Variants in GRIN3A observed in about 807,000 individuals in gnomAD.
The protein encoded by GRIN3A is glutamate ionotropic receptor NMDA type subunit 3A, also known as glutamate receptor ionotropic, NMDA 3A.
Under a neutral mutation model 92.4 loss-of-function variants are expected in GRIN3A, and 47 were observed. The ratio of observed to expected loss-of-function variants is 0.51; its 90% confidence interval spans 0.40 to 0.65. The LOEUF is 0.65. Among genes scored for constraint, GRIN3A ranks in the 30% least tolerant of loss-of-function variants. The pLI is 0.00. For synonymous variants in GRIN3A, 527 were observed against 540.6 expected (o/e 0.97, Z 0.35); for missense variants, 1,324 against 1,393.1 (o/e 0.95, Z 0.79).
At chr9:101,700,589 T>C (rs975168917) in intron 1 of GRIN3A, among the ~76,000 whole-genome samples, 5 of 152,202 alleles carry the variant, frequency 3.3e-5, no homozygotes, top group Admixed American at 2.0e-4. Flanking sequence ...AAAATATTTA[T>C]TGTGCTTTAT....
chr9:101,700,389 G>C (rs908089867), intron 1 of GRIN3A, among the ~76,000 whole-genome samples: 8 of 152,092 alleles, frequency 5.3e-5, no homozygotes, highest in Non-Finnish European at 1.2e-4. Context: ...CCATAAAATC[G>C]TATTCTATCA....
chr9:101,614,609 C>CTTTTTTT (rs754003481), intron 5 of GRIN3A, among the ~76,000 whole-genome samples: 1 of 83,050 alleles, frequency 1.2e-5, no homozygotes, highest in Non-Finnish European at 2.3e-5. Flanking sequence ...ATATGTGATA[C>CTTTTTTT]TTTTTTTTTT....
chr9:101,602,429 G>C (rs1342529471), intron 6 of GRIN3A, among the ~76,000 whole-genome samples: 1 of 152,144 alleles, frequency 6.6e-6, no homozygotes, highest in African/African-American at 2.4e-5. Flanking sequence ...TCTCTGCACA[G>C]GGAATAGAGG....
rs1829291601 is a variant in GRIN3A at position 101,669,721 on chromosome 9, T to G, written c.2352+339A>C. Among the ~76,000 whole-genome samples, 3 of 152,064 alleles carry G rather than the reference T, an allele frequency of 2.0e-5. No individual in the cohort carries two copies. The South Asian group carries it at 6.2e-4, about 32-fold the overall frequency. On this transcript the variant is annotated intron_variant, in intron 3 of 8. Transcript: ENST00000361820. ...AATTCATCAGTTTTTAAGGTGTGCT[T>G]TGGGTGAAAATACCTTATAAGACCA... is the stretch of plus-strand genomic sequence containing the variant.
intron 5 of GRIN3A, among the ~76,000 whole-genome samples, chr9:101,620,544 C>T (rs1011583020): frequency 6.6e-6 from 1 of 152,154 alleles, no homozygotes; most frequent in Non-Finnish European, 1.5e-5. Flanking sequence ...TCTGTTTTCT[C>T]TCCTAAGTAC....
At chr9:101,640,768 C>A (rs1317712223) in intron 3 of GRIN3A, among the ~76,000 whole-genome samples, 1 of 152,088 alleles carries the variant, frequency 6.6e-6, no homozygotes, top group Non-Finnish European at 1.5e-5. Context: ...GAGGAGGTTC[C>A]CTGCACAGGC....
At position 101,579,350 on chromosome 9, in the gene GRIN3A, A is replaced by G. The variant is rs1222347552; in HGVS notation, c.2777T>C (p.Met926Thr). The change falls in exon 7 of 9, where the codon ATG becomes ACG. Residue 926 changes from methionine (M) to threonine (T), a missense_variant. Physicochemically the swap from Met to Thr is moderately conservative, Grantham distance 81 (BLOSUM62 -1). Transcript: ENST00000361820. Reference sequence around the variant, plus strand: ...GAGCCCAGAGAAGTGTTTGATGCCCATTTGCAAAGTCTGTGACAGAATAGG... The same window carrying G: ...GAGCCCAGAGAAGTGTTTGATGCCCGTTTGCAAAGTCTGTGACAGAATAGG... ...RSFAVTETLQ[M>T]GIKHFSGLFV... 2 of 1,613,890 alleles carry G rather than the reference A, an allele frequency of 1.2e-6. No homozygotes were observed.
chr9:101,611,545 A>G (rs1028767199), intron 6 of GRIN3A, among the ~76,000 whole-genome samples: 1 of 152,154 alleles, frequency 6.6e-6, no homozygotes, highest in African/African-American at 2.4e-5. Context: ...TTCACACCCG[A>G]TGTATGCTTT....
At chr9:101,577,502 A>G (rs1236560397) in intron 8 of GRIN3A, among the ~76,000 whole-genome samples, 1 of 152,200 alleles carries the variant, frequency 6.6e-6, no homozygotes, top group East Asian at 1.9e-4. Flanking sequence ...GACTTACACA[A>G]AGTAACACAT....
rs542469654 is a variant in GRIN3A, at chr9:101,684,094, TTTTC to T, written c.1304+2498_1304+2501del. ...CCCCTTCCTTTCCTTCTTCCTGTCTTTTTCTTTCTTTCTTTCTTTCTTTCTTTTT... is the reference window on the plus strand; with the variant it reads ...CCCCTTCCTTTCCTTCTTCCTGTCTTTTTCTTTCTTTCTTTCTTTCTTTTT... On this transcript the variant is annotated intron_variant, in intron 2 of 8. Transcript: ENST00000361820. Among the ~76,000 whole-genome samples, 127 of 144,432 alleles carry T rather than the reference TTTTC, an allele frequency of 8.8e-4. 1 individual carries two copies. The highest frequency in any genetic ancestry group is 2.5e-3 in the African/African-American group (96 of 38,776). The allele number at this position is 144,432 out of a possible 152,430, so 94.8% of individuals were successfully genotyped here.
chr9:101,587,812 GA>G (rs938978926), intron 6 of GRIN3A, among the ~76,000 whole-genome samples: 33 of 152,306 alleles, frequency 2.2e-4, no homozygotes, highest in African/African-American at 7.2e-4. Context: ...GTAAGGAAAA[GA>G]AAAAGGCTGT....
chr9:101,667,869 CT>C (rs1232937050), intron 3 of GRIN3A, among the ~76,000 whole-genome samples: 1 of 152,006 alleles, frequency 6.6e-6, no homozygotes, highest in Non-Finnish European at 1.5e-5. Context: ...ATCTGGGTGT[CT>C]TTTTATGGAA....
intron 2 of GRIN3A, among the ~76,000 whole-genome samples, chr9:101,671,432 A>T (rs1829323180): frequency 6.6e-6 from 1 of 152,194 alleles, no homozygotes; most frequent in African/African-American, 2.4e-5. Context: ...TTAATTGCAT[A>T]TTCTCACAAC....
chr9:101,678,008 C>A (rs576956100), intron 2 of GRIN3A, among the ~76,000 whole-genome samples: 3 of 152,136 alleles, frequency 2.0e-5, no homozygotes, highest in Non-Finnish European at 2.9e-5. Flanking sequence ...AATTGCTGTT[C>A]TCCCTTCCCC....
intron 1 of GRIN3A, among the ~76,000 whole-genome samples, chr9:101,721,651 T>C (rs981617868): frequency 6.6e-6 from 1 of 152,092 alleles, no homozygotes; most frequent in Non-Finnish European, 1.5e-5. Context: ...GTGGTCTCAG[T>C]TGAAGATGAG....
intron 1 of GRIN3A, among the ~76,000 whole-genome samples, chr9:101,700,229 A>T (rs1395202480): frequency 6.6e-6 from 1 of 152,240 alleles, no homozygotes; most frequent in Non-Finnish European, 1.5e-5. Context: ...TTGAATGAAT[A>T]AATGGGTAAA....
intron 1 of GRIN3A, among the ~76,000 whole-genome samples, chr9:101,736,765 C>A (rs1181743871): frequency 1.3e-5 from 2 of 152,176 alleles, no homozygotes; most frequent in Admixed American, 1.3e-4. Flanking sequence ...TGCTTTCTTC[C>A]TTACACCTTT....
chr9:101,593,714 C>G (rs1828065461), intron 6 of GRIN3A: 1 of 152,204 alleles, frequency 6.6e-6, no homozygotes. Flanking sequence ...GATGGCTGAG[C>G]TGGGCACTTA....
chr9:101,654,583 T>C (rs1167540034), intron 3 of GRIN3A, among the ~76,000 whole-genome samples: 1 of 151,762 alleles, frequency 6.6e-6, no homozygotes, highest in Non-Finnish European at 1.5e-5. Context: ...AGAGGGAGAC[T>C]GATTCCCTGT....
Sources: allele counts gnomAD v4.1 joint callset (sites outside exome capture counted in the v4.1 genomes callset), GRCh38; gene constraint gnomAD v4.1.1; transcripts MANE v1.5; gene names NCBI Gene and HGNC (gene_info 2026-07-23, HGNC 2026-07-21).